RYR2: variants seen among roughly 807,000 people sequenced by gnomAD.
RYR2 encodes ryanodine receptor 2.
RYR2 carries 227 observed loss-of-function variants against 601.1 expected under a neutral mutation model. The observed-to-expected ratio is 0.38, with a 90% CI of 0.34 to 0.42. The LOEUF (loss-of-function observed/expected upper bound fraction) is 0.42, where lower values mean the gene tolerates loss of function less well. Ranked by LOEUF, RYR2 falls within the 10% of genes least tolerant of loss-of-function variation. RYR2 has a pLI of 1.00. For missense variants in RYR2, 4,646 were observed against 6,156.5 expected (o/e 0.75, Z 8.21); for synonymous variants, 2,223 against 2,175.1 (o/e 1.02, Z -0.61).
At chr1:237,702,157 A>G in intron 66 of RYR2, 98 bp downstream of exon 66, 1 of 718,106 alleles carries the variant, frequency 1.4e-6, no homozygotes, top group South Asian at 1.7e-5. Flanking sequence ...TTTCCTAGTT[A>G]TAAACTAAAC....
chr1:237,269,929 T>C (rs926116756), intron 1 of RYR2, among the ~76,000 whole-genome samples: 3 of 152,212 alleles, frequency 2.0e-5, no homozygotes, highest in African/African-American at 4.8e-5. Flanking sequence ...ATAAATTGTC[T>C]CTCCATACAT....
intron 79 of RYR2, among the ~76,000 whole-genome samples, chr1:237,737,958 T>C (rs1352195481): frequency 1.3e-5 from 2 of 152,240 alleles, no homozygotes; most frequent in East Asian, 3.8e-4. Flanking sequence ...TAGACTATTG[T>C]TGATTATTAA....
intron 10 of RYR2, among the ~76,000 whole-genome samples, chr1:237,411,332 G>A (rs911055800): frequency 2.6e-5 from 4 of 152,092 alleles, no homozygotes; most frequent in African/African-American, 9.7e-5. Context: ...TGCAGGAGGA[G>A]GCTAGCACTG....
In RYR2 at chr1:237,074,225, G is replaced by A. The variant is rs547760275; in HGVS notation, c.48+31656G>A. On this transcript the variant is annotated intron_variant, in intron 1 of 104. Coordinates refer to ENST00000366574, the MANE Select transcript of RYR2 (RefSeq NM_001035.3). ...CCAGCTACTTGGGAGGCTGAGGCAG[G>A]AGGACCATTTGAGCCCAGGAGTTCA... Among the ~76,000 whole-genome samples the A allele has an allele frequency of 3.3e-5, 5 of 152,288 alleles. No individual in the cohort carries two copies. The South Asian group carries it at 1.0e-3, about 32-fold the overall frequency.
chr1:237,697,680 C>T (rs1326624954), intron 63 of RYR2, among the ~76,000 whole-genome samples: 1 of 148,878 alleles, frequency 6.7e-6, no homozygotes, highest in Non-Finnish European at 1.5e-5. Flanking sequence ...TTGTTCATTA[C>T]TGGAAATTTG....
In RYR2 at chr1:237,569,237, C is replaced by G; in HGVS notation, c.3516C>G (p.Thr1172=). The stretch of plus-strand genomic sequence containing the variant: ...GTATGGTTGACATGAACGAACACAC[C>G]ATGATGTTCACACTGAATGGTGAAA... ...VGCMVDMNEH[T]MMFTLNGEIL... Residue 1172 remains threonine (T), a synonymous_variant, in exon 29 of 105, where the codon ACC becomes ACG. Transcript: ENST00000366574. 6.2e-7 allele frequency: 1 copy of G among 1,613,868 alleles called. No individual in the cohort carries two copies.
intron 1 of RYR2, among the ~76,000 whole-genome samples, chr1:237,257,558 A>G (rs1688112273): frequency 6.6e-6 from 1 of 152,116 alleles, no homozygotes; most frequent in Admixed American, 6.6e-5. Flanking sequence ...TTCATTCTTT[A>G]TTCTCCAAAT....
intron 24 of RYR2, among the ~76,000 whole-genome samples, chr1:237,517,843 T>C (rs547284209): frequency 9.3e-4 from 142 of 152,156 alleles, no homozygotes; most frequent in Non-Finnish European, 1.9e-3. Flanking sequence ...TTCACAATCA[T>C]GTACCTAGTC....
chr1:237,271,305 C>G (rs556928205), intron 2 of RYR2, among the ~76,000 whole-genome samples: 8 of 152,232 alleles, frequency 5.3e-5, no homozygotes, highest in African/African-American at 1.7e-4. Context: ...GAGACAATCG[C>G]TCCGAGGATA....
At chr1:237,644,825 A>G (rs1227006058) in intron 48 of RYR2, among the ~76,000 whole-genome samples, 1 of 152,086 alleles carries the variant, frequency 6.6e-6, no homozygotes, top group African/African-American at 2.4e-5. Context: ...TGAGGTCAGG[A>G]GTTCGAGACC....
intron 1 of RYR2, among the ~76,000 whole-genome samples, chr1:237,141,675 G>A (rs1379300388): frequency 7.2e-5 from 11 of 152,180 alleles, no homozygotes; most frequent in East Asian, 1.9e-4. Context: ...GGGCGGCAGC[G>A]GGACAGCTTT....
chr1:237,629,100 T>G (rs1195485311), intron 41 of RYR2, among the ~76,000 whole-genome samples: 1 of 152,160 alleles, frequency 6.6e-6, no homozygotes, highest in Non-Finnish European at 1.5e-5. Flanking sequence ...GAAAACGGAA[T>G]TCAGAGAAAA....
intron 79 of RYR2, among the ~76,000 whole-genome samples, chr1:237,741,421 C>T (rs1224649041): frequency 1.3e-5 from 2 of 151,980 alleles, no homozygotes; most frequent in Non-Finnish European, 2.9e-5. Context: ...ACATTGAATG[C>T]TTACCAAGCA....
intron 1 of RYR2, among the ~76,000 whole-genome samples, chr1:237,174,862 T>C (rs1263321558): frequency 6.6e-6 from 1 of 152,210 alleles, no homozygotes; most frequent in African/African-American, 2.4e-5. Flanking sequence ...AATGATCTAT[T>C]AAATATACTC....
intron 2 of RYR2, among the ~76,000 whole-genome samples, chr1:237,309,277 A>C (rs1421361558): frequency 6.6e-6 from 1 of 150,532 alleles, no homozygotes; most frequent in Non-Finnish European, 1.5e-5. Context: ...TCCCTTAGCT[A>C]GACATAAAGG....
intron 1 of RYR2, among the ~76,000 whole-genome samples, chr1:237,142,158 A>G (rs1320544272): frequency 6.6e-6 from 1 of 152,174 alleles, no homozygotes; most frequent in Non-Finnish European, 1.5e-5. Context: ...CTTCTTGGGC[A>G]TGTAGGGTGG....
chr1:237,221,699 G>T (rs1683818097), intron 1 of RYR2, among the ~76,000 whole-genome samples: 1 of 152,078 alleles, frequency 6.6e-6, no homozygotes, highest in African/African-American at 2.4e-5. Flanking sequence ...CTAGTTCTTT[G>T]TTTAGAGTGC....
chr1:237,786,057 C>G (rs773102245), intron 91 of RYR2, 21 bp downstream of exon 91: 2 of 1,492,714 alleles, frequency 1.3e-6, no homozygotes, highest in Admixed American at 1.9e-5. Context: ...TTTGCATATA[C>G]TTTTCCTTCG....
intron 48 of RYR2, among the ~76,000 whole-genome samples, chr1:237,644,716 A>G (rs1261144984): frequency 1.3e-5 from 2 of 152,116 alleles, no homozygotes; most frequent in African/African-American, 4.8e-5. Flanking sequence ...ATTTACATGA[A>G]AGACTTCTAA....
Sources: allele counts gnomAD v4.1 joint callset (sites outside exome capture counted in the v4.1 genomes callset), GRCh38; gene constraint gnomAD v4.1.1; transcripts MANE v1.5; gene names NCBI Gene and HGNC (gene_info 2026-07-23, HGNC 2026-07-21).